GINS1: variants seen among roughly 807,000 people sequenced by gnomAD.
The protein encoded by GINS1 is DNA replication complex GINS protein PSF1.
A neutral mutation model predicts 34.9 loss-of-function variants in GINS1; 26 were observed. The ratio of observed to expected loss-of-function variants is 0.74; its 90% CI spans 0.55 to 1.03. GINS1 has a LOEUF of 1.03. Ranked by LOEUF, GINS1 falls within the 50% of genes least tolerant of loss-of-function variation. The pLI is 0.00. For synonymous variants in GINS1, 97 were observed against 84.4 expected (o/e 1.15, Z -0.82); for missense variants, 235 against 237.9 (o/e 0.99, Z 0.08).
intron 1 of GINS1, among the ~76,000 whole-genome samples, chr20:25,411,659 T>C (rs1363932621): frequency 2.0e-5 from 3 of 151,850 alleles, no homozygotes; most frequent in Admixed American, 6.6e-5. Context: ...ATTACAAAAA[T>C]TAGCCAGACT....
chr20:25,427,004 TG>T (rs2090395124), intron 5 of GINS1, among the ~76,000 whole-genome samples: 2 of 152,246 alleles, frequency 1.3e-5, no homozygotes, highest in South Asian at 4.2e-4. Context: ...CTTTTAATTT[TG>T]GGGGGCATAT....
intron 5 of GINS1, among the ~76,000 whole-genome samples, chr20:25,432,116 G>A (rs2090430376): frequency 6.6e-6 from 1 of 151,120 alleles, no homozygotes; most frequent in African/African-American, 2.4e-5. Context: ...CAAATGATCT[G>A]CTGCCTCAGC....
chr20:25,441,381 C>T (rs1233336259), intron 5 of GINS1, among the ~76,000 whole-genome samples: 1 of 152,178 alleles, frequency 6.6e-6, no homozygotes, highest in Non-Finnish European at 1.5e-5. Flanking sequence ...AGATCTAAAA[C>T]ATTCCTTGTG....
chr20:25,418,609 C>G (rs555978140), intron 4 of GINS1, among the ~76,000 whole-genome samples: 1 of 152,194 alleles, frequency 6.6e-6, no homozygotes, highest in African/African-American at 2.4e-5. Context: ...AGGTTCAAAT[C>G]TCTGCTGTCT....
chr20:25,426,940 T>C (rs988000957), intron 5 of GINS1, among the ~76,000 whole-genome samples: 1 of 152,164 alleles, frequency 6.6e-6, no homozygotes, highest in South Asian at 2.1e-4. Context: ...TTAGCTATCA[T>C]TTTATGATCA....
At chr20:25,423,488 A>T (rs2090370709) in intron 4 of GINS1, among the ~76,000 whole-genome samples, 4 of 43,148 alleles carry the variant, frequency 9.3e-5, no homozygotes, top group Admixed American at 3.5e-4. Context: ...TTTTTTTTTG[A>T]GACGGCATCT....
At chr20:25,413,166 C>T (rs1414428004) in intron 1 of GINS1, among the ~76,000 whole-genome samples, 1 of 152,014 alleles carries the variant, frequency 6.6e-6, no homozygotes, top group Non-Finnish European at 1.5e-5. Context: ...TTTCCCCTGC[C>T]TCAGCCTCCT....
At chr20:25,435,373 A>G (rs940420438) in intron 5 of GINS1, among the ~76,000 whole-genome samples, 4 of 152,122 alleles carry the variant, frequency 2.6e-5, no homozygotes, top group Non-Finnish European at 5.9e-5. Flanking sequence ...ATCATAGCTC[A>G]CTGTAATCTC....
At chr20:25,410,091 C>T (rs1040661869) in intron 1 of GINS1, among the ~76,000 whole-genome samples, 5 of 152,154 alleles carry the variant, frequency 3.3e-5, no homozygotes, top group Non-Finnish European at 7.3e-5. Flanking sequence ...CCTGTAATCC[C>T]CCCACTTTGG....
At chr20:25,429,895 T>C (rs193244328) in intron 5 of GINS1, among the ~76,000 whole-genome samples, 3 of 152,308 alleles carry the variant, frequency 2.0e-5, no homozygotes, top group Admixed American at 6.5e-5. Context: ...CTTAGTGAAC[T>C]TAGAGGAAAA....
At chr20:25,422,252 G>T (rs907601443) in intron 4 of GINS1, among the ~76,000 whole-genome samples, 2 of 151,874 alleles carry the variant, frequency 1.3e-5, no homozygotes, top group African/African-American at 4.8e-5. Context: ...CCTGACTTTT[G>T]TGCAGACTAA....
chr20:25,411,245 A>T (rs1426907426), intron 1 of GINS1: 1 of 152,204 alleles, frequency 6.6e-6, no homozygotes. Context: ...ATTACACTCC[A>T]GCCTGGGTGA....
chr20:25,409,300 G>T (rs1178695384), intron 1 of GINS1, among the ~76,000 whole-genome samples: 1 of 152,236 alleles, frequency 6.6e-6, no homozygotes. Flanking sequence ...ATGGGGAATG[G>T]ATTGAAGAGA....
chr20:25,412,260 A>G (rs1357300677), intron 1 of GINS1, among the ~76,000 whole-genome samples: 1 of 152,140 alleles, frequency 6.6e-6, no homozygotes, highest in African/African-American at 2.4e-5. Flanking sequence ...TAACCTTTTA[A>G]GATCACTTTT....
At chr20:25,426,192 T>C (rs969017577) in intron 5 of GINS1, among the ~76,000 whole-genome samples, 4 of 152,222 alleles carry the variant, frequency 2.6e-5, no homozygotes, top group African/African-American at 9.6e-5. Context: ...AAGTTATTTG[T>C]CTTTTTGTGA....
intron 4 of GINS1, 86 bp from the exon 5 acceptor site, chr20:25,425,125 G>C (rs2090383191): frequency 1.5e-6 from 1 of 679,934 alleles, no homozygotes; most frequent in Non-Finnish European, 2.7e-6. Context: ...ATTTGTGTTG[G>C]GATGTGTACT....
chr20:25,431,851 T>C (rs2146213337), intron 5 of GINS1, among the ~76,000 whole-genome samples: 1 of 151,728 alleles, frequency 6.6e-6, no homozygotes, highest in South Asian at 2.1e-4. Flanking sequence ...GGATTACAGG[T>C]GTGAGCCACC....
intron 5 of GINS1, among the ~76,000 whole-genome samples, chr20:25,432,081 C>A (rs2090430237): frequency 6.6e-6 from 1 of 151,966 alleles, no homozygotes; most frequent in Admixed American, 6.6e-5. Flanking sequence ...CCATGTTGGC[C>A]AGGCTGGTCT....
At chr20:25,422,942 A>G (rs1162932372) in intron 4 of GINS1, among the ~76,000 whole-genome samples, 5 of 151,014 alleles carry the variant, frequency 3.3e-5, no homozygotes, top group African/African-American at 2.4e-5. Context: ...ACGCCTGGCT[A>G]ATTTTTTGTA....
Sources: gnomAD v4.1 joint callset for allele counts (sites outside exome capture counted in the v4.1 genomes callset) on GRCh38, gnomAD v4.1.1 for gene constraint, MANE v1.5 for transcripts, NCBI Gene and HGNC (gene_info 2026-07-23, HGNC 2026-07-21) for gene names.